The following RYR1 variants were observed in gnomAD, a reference collection of about 807,000 sequenced individuals.
RYR1 encodes the protein central core disease of muscle.
In RYR1, 342 loss-of-function variants were observed where a neutral mutation model predicts 583.5. That is an observed-to-expected ratio of 0.59 (90% CI 0.54 to 0.64). The LOEUF (loss-of-function observed/expected upper bound fraction) is 0.64. RYR1 is among the 30% of genes least tolerant of loss of function. RYR1 has a pLI of 0.00. For synonymous variants in RYR1, 2,791 were observed against 2,822.5 expected (o/e 0.99, Z 0.35); for missense variants, 6,032 against 6,917.2 (o/e 0.87, Z 4.54).
At chr19:38,462,690 C>T (rs752974363) in intron 20 of RYR1, among the ~76,000 whole-genome samples, 50 of 152,260 alleles carry the variant, frequency 3.3e-4, no homozygotes, top group Admixed American at 4.6e-4. Flanking sequence ...GATCCTCATA[C>T]GGAGAAGGAA....
intron 81 of RYR1, chr19:38,535,618 G>A: frequency 1.6e-6 from 1 of 613,458 alleles, no homozygotes; most frequent in African/African-American, 1.8e-5. Flanking sequence ...TCCAGACAGT[G>A]GAACCAAAAA....
At chr19:38,435,780 A>T (rs1254119987) in intron 1 of RYR1, among the ~76,000 whole-genome samples, 1 of 152,128 alleles carries the variant, frequency 6.6e-6, no homozygotes, top group African/African-American at 2.4e-5. Context: ...CATAAGAAAC[A>T]TTCTGTCTTA....
chr19:38,534,359 G>T (rs1023053461), intron 78 of RYR1, among the ~76,000 whole-genome samples: 1 of 152,110 alleles, frequency 6.6e-6, no homozygotes, highest in Non-Finnish European at 1.5e-5. Context: ...TGCTAATATC[G>T]CTGTGATTTA....
chr19:38,505,376 C>G lies in RYR1; in HGVS notation c.8378C>G (p.Pro2793Arg), dbSNP rs777584701. Residue 2793 changes from proline to arginine, a missense_variant, in exon 53 of 106, where the codon CCC becomes CGC. By Grantham distance (103) the Pro-to-Arg change is moderately radical. This residue lies in a region of RYR1 where 1,493 missense variants were observed against 1,715.5 expected (regional missense o/e 0.87). Transcript: ENST00000359596. ...CTGAAGACCCACCCCATGCTGAGGC[C>G]CTACAAGACCTTTTCAGAGAAGGTG... ...EELKTHPMLR[P>R]YKTFSEKDKE... 6.2e-7 allele frequency: 1 copy of G among 1,610,918 alleles called. No individual in the cohort carries two copies. The highest frequency in any genetic ancestry group is 1.1e-5 in the South Asian group (1 of 90,440).
At chr19:38,570,241 C>T (rs1389646643) in intron 93 of RYR1, among the ~76,000 whole-genome samples, 1 of 152,074 alleles carries the variant, frequency 6.6e-6, no homozygotes, top group African/African-American at 2.4e-5. Context: ...ATCACGAGGT[C>T]AGGAGTTTGA....
chr19:38,495,912 G>A lies in RYR1; in HGVS notation c.6549-303G>A, dbSNP rs193034997. On this transcript the variant is annotated intron_variant, in intron 39 of 105. Transcript: ENST00000359596. ...TGCGTAGCTGGGATTACGGGTATGC[G>A]CCACCACGCCTGGCTAATTTTTGTA... Among the ~76,000 whole-genome samples, 19 of 152,182 alleles carry A rather than the reference G, an allele frequency of 1.2e-4. No homozygotes were observed. The South Asian group carries it at 3.3e-3, about 27-fold the overall frequency.
rs1444347791 is a variant in RYR1 at position 38,459,326 on chromosome 19, C to T, written c.2348C>T (p.Ser783Leu). ...CTCTTCTTCCCTGTTGTCAGCTTCTCGGCTGGTGTCAAGTGAGAACTTGCC... is the reference window on the plus strand; with the variant it reads ...CTCTTCTTCCCTGTTGTCAGCTTCTTGGCTGGTGTCAAGTGAGAACTTGCC... ...DGLFFPVVSF[S>L]AGVKVRFLLG... The change falls in exon 19 of 106, where the codon TCG becomes TTG. Residue 783 changes from serine to leucine, a missense_variant. Transcript: ENST00000359596. 3 of 1,614,060 alleles carry T rather than the reference C, an allele frequency of 1.9e-6. No individual in the cohort carries two copies. The highest frequency in any genetic ancestry group is 2.2e-5 in the East Asian group (1 of 44,874).
chr19:38,466,417 C>T lies in RYR1; in HGVS notation c.3178+19C>T. The T allele has an allele frequency of 6.5e-7, 1 of 1,540,770 alleles. No individual in the cohort carries two copies. Among genetic ancestry groups the T allele is most frequent in the Non-Finnish European group, 8.7e-7 (1 of 1,146,630 alleles). On this transcript the variant is annotated intron_variant, in intron 24 of 105. Coordinates refer to ENST00000359596, the MANE Select transcript of RYR1 (RefSeq NM_000540.3). The stretch of plus-strand genomic sequence containing the variant: ...GAGCCCAGTGAGTGCTCACCCCTGG[C>T]CCTGGCCCTGACTCCTACCCCAACT...
In RYR1 at chr19:38,561,323, C is replaced by A. The variant is rs531584940; in HGVS notation, c.12493C>A (p.Leu4165Met). The A allele has an allele frequency of 8.7e-6, 14 of 1,614,032 alleles. 1 individual carries two copies. The South Asian group carries it at 1.4e-4, about 16-fold the overall frequency. ...CCCTCGCCTGCACAACTTCCTGGAGCTGGCCGAGAGCATCCTTGAGTACTT... is the reference window on the plus strand; with the variant it reads ...CCCTCGCCTGCACAACTTCCTGGAGATGGCCGAGAGCATCCTTGAGTACTT... ...HDPRLHNFLE[L>M]AESILEYFRP... The change falls in exon 90 of 106, where the codon CTG (leucine) becomes ATG (methionine). Residue 4165 changes from leucine (L) to methionine (M), a missense_variant. Physicochemically the swap from Leu to Met is conservative, Grantham distance 15 (BLOSUM62 2). Coordinates refer to ENST00000359596, the MANE Select transcript of RYR1 (RefSeq NM_000540.3). This position sits in a 1 kb window ranked among gnomAD's most constrained non-coding sequence, Gnocchi z 4.8.
intron 69 of RYR1, 167 bp downstream of exon 69, chr19:38,523,476 C>T (rs887426714): frequency 7.1e-6 from 5 of 703,276 alleles, no homozygotes; most frequent in Non-Finnish European, 1.2e-5. Flanking sequence ...TCCCCAGCTC[C>T]TTCCTCCTCC....
At position 38,512,180 on chromosome 19, in the gene RYR1, A is replaced by C. The variant is rs2145662098; in HGVS notation, c.9233+48A>C. 2 of 1,613,626 alleles carry C rather than the reference A, an allele frequency of 1.2e-6. No individual in the cohort carries two copies. Among genetic ancestry groups the C allele is most frequent in the Non-Finnish European group, 1.7e-6 (2 of 1,179,750 alleles). Reference sequence around the variant, plus strand: ...CCACTCCCACCATCATCGGGCCCCCACCCCAACCCCTGGTCTCCTAGACTC... The same window carrying C: ...CCACTCCCACCATCATCGGGCCCCCCCCCCAACCCCTGGTCTCCTAGACTC... On this transcript the variant is annotated intron_variant, in intron 62 of 105. Transcript: ENST00000359596. The surrounding 1 kb of genome is among the most constrained non-coding windows in gnomAD (Gnocchi z 5.1).
At position 38,458,865 on chromosome 19, in the gene RYR1, C is replaced by T. The variant is rs7252456; in HGVS notation, c.2168-281C>T. ...GTCTCCTGACCTCAAGTGATCCATC[C>T]GCCTTGGCCTTCCAAAGTGCTGGGA... On this transcript the variant is annotated intron_variant, in intron 18 of 105. Transcript: ENST00000359596. Among the ~76,000 whole-genome samples the T allele has an allele frequency of 0.58, 87,905 of 151,996 alleles. 26,202 individuals carry two copies. The highest frequency in any genetic ancestry group is 0.67 in the Admixed American group (10,216 of 15,252).
At chr19:38,476,888 G>A (rs1021801323) in intron 29 of RYR1, among the ~76,000 whole-genome samples, 17 of 152,078 alleles carry the variant, frequency 1.1e-4, no homozygotes, top group Non-Finnish European at 2.1e-4. Flanking sequence ...CTTAGAACAG[G>A]CCTGGCATGA....
intron 99 of RYR1, among the ~76,000 whole-genome samples, chr19:38,579,635 C>T (rs997220819): frequency 2.6e-5 from 4 of 151,442 alleles, no homozygotes; most frequent in African/African-American, 4.9e-5. Flanking sequence ...GATGGAGTCT[C>T]GCTATGTTGC....
chr19:38,502,851 G>T (rs780267023), intron 48 of RYR1, 29 bp from the exon 49 acceptor site: 5 of 1,600,600 alleles, frequency 3.1e-6, no homozygotes, highest in Non-Finnish European at 4.3e-6. Flanking sequence ...CTGGACGGGG[G>T]ATTCTACATC....
intron 1 of RYR1, among the ~76,000 whole-genome samples, chr19:38,437,772 C>T (rs938433290): frequency 1.7e-4 from 26 of 151,944 alleles, no homozygotes; most frequent in Admixed American, 1.2e-3. Flanking sequence ...GCTGTGATCT[C>T]GCCACTGCAC....
chr19:38,504,352 GC>G lies in RYR1; in HGVS notation c.8062del (p.His2688IlefsTer58), dbSNP rs747092181. 6.2e-7 allele frequency: 1 copy of G among 1,613,956 alleles called. No individual in the cohort carries two copies. The highest frequency in any genetic ancestry group is 1.3e-5 in the African/African-American group (1 of 74,892). ...CTTCTGGGGCATCTTTGACTCTCTG[GC>G]CCATAAGGTCTGGGCAGCAGGGAGC... The part of the protein sequence containing the change: ...KLFWGIFDSL[A>X]HKKYDPELYR... On this transcript the variant is annotated frameshift_variant, in exon 50 of 106. Transcript: ENST00000359596. LOFTEE classifies it high-confidence loss of function.
intron 1 of RYR1, among the ~76,000 whole-genome samples, chr19:38,436,573 C>T (rs1568428224): frequency 6.6e-6 from 1 of 152,140 alleles, no homozygotes; most frequent in Non-Finnish European, 1.5e-5. Flanking sequence ...GAGTTTGTTG[C>T]TTTTTGTTGC....
chr19:38,463,155 C>CCA lies in RYR1; in HGVS notation c.2578-268_2578-267insCA, dbSNP rs71165551. Among the ~76,000 whole-genome samples the CCA allele has an allele frequency of 1.5e-3, 125 of 82,602 alleles. 5 individuals are homozygous for CCA. Among genetic ancestry groups the CCA allele is most frequent in the African/African-American group, 4.3e-3 (88 of 20,616 alleles). 54.2% of individuals were successfully genotyped at this position (82,602 alleles called of 152,430 possible). A position where few individuals can be genotyped will look rare whatever the true frequency, so the allele number is the denominator to read the frequency against. On this transcript the variant is annotated intron_variant, in intron 20 of 105. Coordinates refer to ENST00000359596, the MANE Select transcript of RYR1 (RefSeq NM_000540.3). ...TCAGGCGATCTGCCCCCCCCCCCCCCACTTAGCCTCCCAAAGTGCTGGGAT... is the reference window on the plus strand; with the variant it reads ...TCAGGCGATCTGCCCCCCCCCCCCCCCAACTTAGCCTCCCAAAGTGCTGGGAT...
Sources: allele counts gnomAD v4.1 joint callset (sites outside exome capture counted in the v4.1 genomes callset), GRCh38; gene constraint gnomAD v4.1.1; regional missense constraint gnomAD v4.1.1; non-coding constraint Gnocchi (gnomAD v3.1); transcripts MANE v1.5; gene names NCBI Gene and HGNC (gene_info 2026-07-23, HGNC 2026-07-21).